The following CEP295 variants were observed in gnomAD, a reference collection of about 807,000 sequenced individuals.
The protein encoded by CEP295 is centrosomal protein 295.
Under a neutral mutation model 291.6 loss-of-function variants are expected in CEP295, and 190 were observed. The ratio of observed to expected loss-of-function variants is 0.65; its 90% CI spans 0.58 to 0.73. CEP295 has a LOEUF of 0.73. Ranked by LOEUF, CEP295 falls within the 30% of genes least tolerant of loss-of-function variation. The probability of loss-of-function intolerance (pLI) is 0.00; values close to 1 mark genes in which losing one functional copy is unlikely to be tolerated. For missense variants in CEP295, 2,863 were observed against 2,949.4 expected (o/e 0.97, Z 0.68); for synonymous variants, 993 against 1,038.8 (o/e 0.96, Z 0.85).
intron 12 of CEP295, among the ~76,000 whole-genome samples, chr11:93,694,527 G>T (rs966154646): frequency 2.6e-5 from 4 of 152,056 alleles, no homozygotes; most frequent in Admixed American, 1.3e-4. Context: ...TATCAAAATT[G>T]CCAGCATTAC....
At chr11:93,679,706 C>T (rs1309354631) in intron 7 of CEP295, among the ~76,000 whole-genome samples, 154 bp downstream of exon 7, 4 of 151,964 alleles carry the variant, frequency 2.6e-5, no homozygotes, top group African/African-American at 9.7e-5. Flanking sequence ...CTTTCTTTGC[C>T]CTCCAATTTC....
chr11:93,667,823 T>C lies in CEP295; in HGVS notation c.309+16T>C, dbSNP rs544796595. 2.0e-6 allele frequency: 3 copies of C among 1,507,590 alleles called. No individual in the cohort carries two copies. The highest frequency in any genetic ancestry group is 2.1e-5 in the Admixed American group (1 of 48,694). The allele number at this position is 1,507,590 out of a possible 1,614,324, so 93.4% of individuals were successfully genotyped here. A position where few individuals can be genotyped will look rare whatever the true frequency, so the allele number is the denominator to read the frequency against. ...CAAAGAAAATGTGAGTGAGATCTTA[T>C]TTGACTACCCTGTTGTGGCAGTAAT... On this transcript the variant is annotated intron_variant, in intron 3 of 29. Coordinates refer to ENST00000325212, the MANE Select transcript of CEP295 (RefSeq NM_033395.2).
At chr11:93,726,438 T>A (rs1444956497) in intron 23 of CEP295, among the ~76,000 whole-genome samples, 1 of 152,196 alleles carries the variant, frequency 6.6e-6, no homozygotes, top group African/African-American at 2.4e-5. Context: ...CCAGCCAGTT[T>A]AAGTATTCTT....
At position 93,691,990 on chromosome 11, in the gene CEP295, AAGC is replaced by A. The variant is rs1257339769; in HGVS notation, c.1500_1502del (p.Ala501del). ...AGTTCAGTTCTACTTCATCCTCAAG[AAGC>A]AGCAGCCAGGATTAGAATGTCAGCA... On this transcript the variant is annotated inframe_deletion, in exon 12 of 30. Coordinates refer to ENST00000325212, the MANE Select transcript of CEP295 (RefSeq NM_033395.2). 6.5e-7 allele frequency: 1 copy of A among 1,542,382 alleles called. No individual in the cohort carries two copies. Among genetic ancestry groups the A allele is most frequent in the South Asian group, 1.2e-5 (1 of 83,476 alleles).
chr11:93,690,669 G>C (rs1951484626), intron 10 of CEP295, among the ~76,000 whole-genome samples: 1 of 136,618 alleles, frequency 7.3e-6, no homozygotes. Context: ...GGCAGAGCTT[G>C]CAGTGAGCTG....
chr11:93,700,981 C>G (rs57830933), intron 15 of CEP295, among the ~76,000 whole-genome samples: 1 of 152,044 alleles, frequency 6.6e-6, no homozygotes, highest in African/African-American at 2.4e-5. Context: ...CTGAATTGTT[C>G]ATAAGACTCG....
rs1011651134 is a variant in CEP295, at chr11:93,684,009, C to T, written c.995C>T (p.Pro332Leu). 6.4e-7 allele frequency: 1 copy of T among 1,551,702 alleles called. No homozygotes were observed. The highest frequency in any genetic ancestry group is 8.7e-7 in the Non-Finnish European group (1 of 1,147,008). ...LILHLEPEPL[P>L]TVTNQIQDEE... Reference sequence around the variant, plus strand: ...CTGCACCTTGAACCAGAGCCCTTGCCCACTGTGACTAATCAGATCCAAGAT... The same window carrying T: ...CTGCACCTTGAACCAGAGCCCTTGCTCACTGTGACTAATCAGATCCAAGAT... Residue 332 changes from proline (P) to leucine (L), a missense_variant, in exon 9 of 30, where the codon CCC becomes CTC. Pro to Leu is a moderately conservative substitution (Grantham distance 98). Coordinates refer to ENST00000325212, the MANE Select transcript of CEP295 (RefSeq NM_033395.2).
intron 5 of CEP295, among the ~76,000 whole-genome samples, chr11:93,673,861 G>A (rs1645167655): frequency 6.6e-6 from 1 of 152,054 alleles, no homozygotes; most frequent in African/African-American, 2.4e-5. Flanking sequence ...TTGGTGTGGG[G>A]CCAAGACACG....
chr11:93,673,312 A>G (rs1394023950), intron 5 of CEP295, among the ~76,000 whole-genome samples: 1 of 152,230 alleles, frequency 6.6e-6, no homozygotes, highest in Non-Finnish European at 1.5e-5. Flanking sequence ...GTGTATATGT[A>G]TGCTAGTTAA....
intron 22 of CEP295, 97 bp downstream of exon 22, chr11:93,724,472 G>C (rs1024058573): frequency 1.2e-5 from 14 of 1,203,798 alleles, no homozygotes; most frequent in Non-Finnish European, 1.5e-5. Flanking sequence ...CCCTTACCTA[G>C]AATCACATGG....
chr11:93,707,747 A>G (rs1382148420), intron 18 of CEP295, among the ~76,000 whole-genome samples: 1 of 151,084 alleles, frequency 6.6e-6, no homozygotes, highest in Non-Finnish European at 1.5e-5. Context: ...AGACTCCGAG[A>G]CTCCATCTGA....
chr11:93,712,482 G>A (rs1952972649), intron 18 of CEP295, among the ~76,000 whole-genome samples: 2 of 152,082 alleles, frequency 1.3e-5, no homozygotes, highest in African/African-American at 4.8e-5. Context: ...TCGAACTCCT[G>A]ACCTCAGGTA....
At chr11:93,682,943 G>A (rs1218136169) in intron 7 of CEP295, among the ~76,000 whole-genome samples, 1 of 152,084 alleles carries the variant, frequency 6.6e-6, no homozygotes, top group Non-Finnish European at 1.5e-5. Context: ...GTCTTGCCTT[G>A]TTCTCCCTCC....
At chr11:93,667,838 G>A (rs1565426873) in intron 3 of CEP295, 31 bp downstream of exon 3, 2 of 1,415,212 alleles carry the variant, frequency 1.4e-6, no homozygotes, top group Admixed American at 2.4e-5. Context: ...CTACCCTGTT[G>A]TGGCAGTAAT....
intron 10 of CEP295, among the ~76,000 whole-genome samples, chr11:93,689,976 G>A (rs1442257867): frequency 2.0e-5 from 3 of 152,202 alleles, no homozygotes; most frequent in Non-Finnish European, 4.4e-5. Context: ...GACCATCTGA[G>A]GGATTCCAAC....
chr11:93,697,899 C>T lies in CEP295; in HGVS notation c.2987C>T (p.Pro996Leu). Residue 996 changes from proline to leucine, a missense_variant, in exon 15 of 30, where the codon CCA (proline) becomes CTA (leucine). By Grantham distance (98) the Pro-to-Leu change is moderately conservative. Transcript: ENST00000325212. ...VCSEQAEPSF[P>L]FQVAQHTFTS... ...TCCGAACAGGCTGAGCCCTCTTTCC[C>T]ATTTCAGGTAGCTCAGCATACATTT... is the stretch of plus-strand genomic sequence containing the variant. The T allele has an allele frequency of 6.4e-7, 1 of 1,551,716 alleles. No homozygotes were observed. Among genetic ancestry groups the T allele is most frequent in the Non-Finnish European group, 8.7e-7 (1 of 1,146,992 alleles).
At chr11:93,668,097 G>GA (rs1280877286) in intron 3 of CEP295, among the ~76,000 whole-genome samples, 2 of 152,094 alleles carry the variant, frequency 1.3e-5, no homozygotes, top group African/African-American at 4.8e-5. Context: ...TTCTGAATCA[G>GA]AAGTTGTTGT....
At chr11:93,706,609 G>T in intron 17 of CEP295, 136 bp from the exon 18 acceptor site, 1 of 626,624 alleles carries the variant, frequency 1.6e-6, no homozygotes, top group Admixed American at 3.7e-5. Flanking sequence ...AAGCTTGACT[G>T]TGAAAGGTAA....
chr11:93,724,240 C>CCTTG lies in CEP295; in HGVS notation c.6197-13_6197-10dup, dbSNP rs748967864. On this transcript the variant is annotated splice_polypyrimidine_tract_variant and intron_variant, in intron 21 of 29. Coordinates refer to ENST00000325212, the MANE Select transcript of CEP295 (RefSeq NM_033395.2). ...TTCCCTCAAAAATTCTAACAGTTGA[C>CCTTG]CTTGACTTTCCAGAATTGGAACACA... The CCTTG allele has an allele frequency of 3.2e-6, 5 of 1,542,720 alleles. No homozygotes were observed. In the South Asian group the frequency reaches 6.1e-5, roughly 19 times the overall value.
Sources: gnomAD v4.1 joint callset for allele counts (sites outside exome capture counted in the v4.1 genomes callset) on GRCh38, gnomAD v4.1.1 for gene constraint, MANE v1.5 for transcripts, NCBI Gene and HGNC (gene_info 2026-07-23, HGNC 2026-07-21) for gene names.